Variants in DARS2 observed in about 807,000 individuals in gnomAD.
DARS2 encodes aspartyl-tRNA synthetase 2, mitochondrial.
In DARS2, 63 loss-of-function variants were observed where a neutral mutation model predicts 83.0. The observed-to-expected ratio is 0.76, with a 90% CI of 0.62 to 0.94. The LOEUF (loss-of-function observed/expected upper bound fraction) is 0.94, where lower values mean the gene tolerates loss of function less well. Ranked by LOEUF, DARS2 falls within the 40% of genes least tolerant of loss-of-function variation. The probability of loss-of-function intolerance (pLI) is 0.00; values close to 1 mark genes in which losing one functional copy is unlikely to be tolerated. For missense variants in DARS2, 675 were observed against 774.4 expected, an observed-to-expected ratio of 0.87 and a Z score of 1.52; for synonymous variants, 250 against 269.3, an observed-to-expected ratio of 0.93 and a Z score of 0.70.
chr1:173,857,291 A>G (rs1653890013), intron 16 of DARS2, among the ~76,000 whole-genome samples: 1 of 152,202 alleles, frequency 6.6e-6, no homozygotes, highest in Non-Finnish European at 1.5e-5. Flanking sequence ...AATCGCTGTG[A>G]CAATCCAAGT....
chr1:173,856,338 C>G lies in DARS2; in HGVS notation c.1675-328C>G, dbSNP rs545152934. ...TGCTCTCTTCCCTTGGTCTCTGTGA[C>G]AGGAGAGTTTCCTGCTTTTTATCCC... On this transcript the variant is annotated intron_variant, in intron 15 of 16. Coordinates refer to ENST00000649689, the MANE Select transcript of DARS2 (RefSeq NM_018122.5). 4.6e-5 allele frequency among the ~76,000 whole-genome samples: 7 copies of G among 152,322 alleles called. No homozygotes were observed. The South Asian group carries it at 1.2e-3, about 27-fold the overall frequency.
rs121918211 is a variant in DARS2, at chr1:173,850,408, G to A, written c.1273G>A (p.Glu425Lys). ...ANFIMESQRL[E>K]LIRLMETQEE... ...TTTCATAATGGAGTCACAAAGACTGGAATTAATCAGACTAATGGAGACCCA... is the reference window on the plus strand; with the variant it reads ...TTTCATAATGGAGTCACAAAGACTGAAATTAATCAGACTAATGGAGACCCA... The change falls in exon 13 of 17, where the codon GAA becomes AAA. Residue 425 changes from glutamate to lysine, a missense_variant. Coordinates refer to ENST00000649689, the MANE Select transcript of DARS2 (RefSeq NM_018122.5). The A allele has an allele frequency of 6.2e-7, 1 of 1,613,902 alleles. No homozygotes were observed. The highest frequency in any genetic ancestry group is 8.5e-7 in the Non-Finnish European group (1 of 1,179,944).
chr1:173,856,857 G>A, intron 16 of DARS2, 116 bp downstream of exon 16: 1 of 706,378 alleles, frequency 1.4e-6, no homozygotes, highest in Non-Finnish European at 2.4e-6. Context: ...CCATGAGAAT[G>A]TAAGTTTCTG....
At position 173,840,921 on chromosome 1, in the gene DARS2, C is replaced by T. The variant is rs1270314893; in HGVS notation, c.1076C>T (p.Ala359Val). Residue 359 changes from alanine to valine, a missense_variant, in exon 11 of 17, where the codon GCA becomes GTA. Ala to Val is a moderately conservative substitution (Grantham distance 64). Coordinates refer to ENST00000649689, the MANE Select transcript of DARS2 (RefSeq NM_018122.5). ...ACAGAGATTGGATTTCTTCAAGATG[C>T]ACTTAGTAAGCCCCATGGAACTGTG... Reference protein sequence around the residue: ...RNTEIGFLQDALSKPHGTVKA... With the variant: ...RNTEIGFLQDVLSKPHGTVKA... The T allele has an allele frequency of 3.1e-6, 5 of 1,612,992 alleles. No individual in the cohort carries two copies. The highest frequency in any genetic ancestry group is 4.2e-6 in the Non-Finnish European group (5 of 1,179,052).
rs115639068 is a variant in DARS2, at chr1:173,834,001, A to G, written c.617-472A>G. ...GGTCTCAAACTTCTGGGTTTAAGCA[A>G]TCCTCCCACCTAACCATCCCAAAGT... On this transcript the variant is annotated intron_variant, in intron 6 of 16. Transcript: ENST00000649689. Among the ~76,000 whole-genome samples the G allele has an allele frequency of 3.9e-3, 599 of 152,260 alleles. 6 individuals are homozygous for G. The highest frequency in any genetic ancestry group is 0.014 in the African/African-American group (565 of 41,554).
intron 11 of DARS2, 116 bp downstream of exon 11, chr1:173,841,089 T>G (rs1347350084): frequency 1.0e-5 from 8 of 771,542 alleles, no homozygotes; most frequent in Non-Finnish European, 1.6e-5. Flanking sequence ...AAAATAGGGA[T>G]TTTTGCTGGG....
chr1:173,852,652 A>G (rs1653717793), intron 13 of DARS2, among the ~76,000 whole-genome samples: 1 of 151,938 alleles, frequency 6.6e-6, no homozygotes, highest in African/African-American at 2.4e-5. Context: ...TTACAAGTGC[A>G]TGCCACCACG....
At chr1:173,835,704 T>G (rs1260798734) in intron 7 of DARS2, among the ~76,000 whole-genome samples, 2 of 151,866 alleles carry the variant, frequency 1.3e-5, no homozygotes, top group Admixed American at 1.3e-4. Context: ...GGTCAGGAGT[T>G]AGAGACCAGC....
At chr1:173,849,325 G>A (rs1304563316) in intron 12 of DARS2, among the ~76,000 whole-genome samples, 1 of 151,900 alleles carries the variant, frequency 6.6e-6, no homozygotes, top group African/African-American at 2.4e-5. Flanking sequence ...CTTGAAGTCA[G>A]GAGTTTGAGA....
chr1:173,825,887 C>T (rs1357821153), intron 1 of DARS2, among the ~76,000 whole-genome samples: 1 of 151,506 alleles, frequency 6.6e-6, no homozygotes, highest in African/African-American at 2.4e-5. Flanking sequence ...AAGGTAACCA[C>T]GTAATATATA....
At chr1:173,857,022 T>C (rs1163439839) in intron 16 of DARS2, among the ~76,000 whole-genome samples, 1 of 152,184 alleles carries the variant, frequency 6.6e-6, no homozygotes, top group Non-Finnish European at 1.5e-5. Context: ...TACGCACTCA[T>C]TGGAGTCTGG....
chr1:173,852,662 G>A (rs924558203), intron 13 of DARS2, among the ~76,000 whole-genome samples: 14 of 151,872 alleles, frequency 9.2e-5, no homozygotes, highest in Admixed American at 5.3e-4. Flanking sequence ...ATGCCACCAC[G>A]CCCGGCTAAT....
At chr1:173,834,755 TTTGGTTTGTTTTGGGTTTTTTTTTTTG>T (rs1652929049) in intron 7 of DARS2, among the ~76,000 whole-genome samples, 1 of 109,172 alleles carries the variant, frequency 9.2e-6, no homozygotes, top group African/African-American at 3.2e-5. Context: ...TTTTTTTTTT[TTTGGTTTGTTTTGGGTTTTTTTTTTTG>T]TTTTTTTTTT....
chr1:173,846,492 T>TA (rs528176596), intron 12 of DARS2, among the ~76,000 whole-genome samples: 3 of 141,156 alleles, frequency 2.1e-5, no homozygotes, highest in Non-Finnish European at 4.7e-5. Flanking sequence ...ACCCTGTCTC[T>TA]AAAAAAAATA....
chr1:173,836,849 T>C (rs1437676996), intron 7 of DARS2, 91 bp from the exon 8 acceptor site: 2 of 1,032,390 alleles, frequency 1.9e-6, no homozygotes, highest in Admixed American at 1.7e-5. Flanking sequence ...ATTGATAAAC[T>C]GAAGTAACAA....
At chr1:173,826,624 AC>A in intron 1 of DARS2, 62 bp from the exon 2 acceptor site, 1 of 1,232,626 alleles carries the variant, frequency 8.1e-7, no homozygotes, top group Non-Finnish European at 1.2e-6. Flanking sequence ...TTTTTAAGCA[AC>A]CTGCAAGTGA....
At chr1:173,848,439 G>A (rs760814586) in intron 12 of DARS2, among the ~76,000 whole-genome samples, 9 of 152,244 alleles carry the variant, frequency 5.9e-5, no homozygotes, top group East Asian at 3.8e-4. Context: ...ATTGTTCGGT[G>A]TAGTTGTTGC....
At chr1:173,851,958 G>A (rs770921475) in intron 13 of DARS2, 4 of 985,220 alleles carry the variant, frequency 4.1e-6, no homozygotes, top group Non-Finnish European at 4.8e-6. Context: ...TCTTAAAAAA[G>A]AACATGGGAT....
intron 5 of DARS2, among the ~76,000 whole-genome samples, chr1:173,833,002 C>T (rs1652851460): frequency 6.6e-6 from 1 of 152,078 alleles, no homozygotes; most frequent in Admixed American, 6.6e-5. Flanking sequence ...TCCCAAGTAG[C>T]TGGGATTATA....
Sources: allele counts gnomAD v4.1 joint callset (sites outside exome capture counted in the v4.1 genomes callset), GRCh38; gene constraint gnomAD v4.1.1; transcripts MANE v1.5; gene names NCBI Gene and HGNC (gene_info 2026-07-23, HGNC 2026-07-21).